The following PCDHGA1 variants were observed in gnomAD, a reference collection of about 807,000 sequenced individuals.
The protein encoded by PCDHGA1 is protocadherin gamma subfamily A, 1.
A neutral mutation model predicts 58.0 loss-of-function variants in PCDHGA1; 32 were observed. That is an observed-to-expected ratio of 0.55 (90% CI 0.42 to 0.74). The LOEUF (loss-of-function observed/expected upper bound fraction) is 0.74, where lower values mean the gene tolerates loss of function less well. PCDHGA1 is among the 30% of genes least tolerant of loss of function. PCDHGA1 has a pLI of 0.00. For synonymous variants in PCDHGA1, 498 were observed against 501.1 expected (o/e 0.99, Z 0.08); for missense variants, 1,205 against 1,182.3 (o/e 1.02, Z -0.28).
intron 1 of PCDHGA1, chr5:141,370,440 A>G (rs1390213172): frequency 6.2e-7 from 1 of 1,605,404 alleles, no homozygotes; most frequent in Non-Finnish European, 8.5e-7. Flanking sequence ...GCAGAGGCGA[A>G]TGCTATTTCT....
rs778684539 is a variant in PCDHGA1 at position 141,477,205 on chromosome 5, G to A, written c.2422-17602G>A. ...CCTCCGTGTACAGCCCAGTACCCGA[G>A]GATGCCCCTCTGGGGACTGTCATCG... On this transcript the variant is annotated intron_variant, in intron 1 of 3. Transcript: ENST00000517417. The surrounding 1 kb of genome is among the most constrained non-coding windows in gnomAD (Gnocchi z 4.9). 1 of 1,614,184 alleles carries A rather than the reference G, an allele frequency of 6.2e-7. No homozygotes were observed. The highest frequency in any genetic ancestry group is 8.5e-7 in the Non-Finnish European group (1 of 1,180,042).
intron 1 of PCDHGA1, among the ~76,000 whole-genome samples, chr5:141,482,530 C>CAAAAAAAAAAAAA (rs3074545): frequency 3.9e-5 from 3 of 76,560 alleles, no homozygotes; most frequent in African/African-American, 9.6e-5. Context: ...GACAGACATG[C>CAAAAAAAAAAAAA]AAAAAAAAAA....
chr5:141,423,226 G>A lies in PCDHGA1; in HGVS notation c.2422-71581G>A, dbSNP rs775936938. On this transcript the variant is annotated intron_variant, in intron 1 of 3. Coordinates refer to ENST00000517417, the MANE Select transcript of PCDHGA1 (RefSeq NM_018912.3). The stretch of plus-strand genomic sequence containing the variant: ...CGTCACGCTCACCGTGGCTGTGGCC[G>A]ACAGCATCCCCGAAGTCCTGGCGGA... The A allele has an allele frequency of 2.2e-5, 36 of 1,613,708 alleles. No homozygotes were observed. The highest frequency in any genetic ancestry group is 2.6e-5 in the Non-Finnish European group (31 of 1,180,034).
chr5:141,397,841 C>A (rs996938995), intron 1 of PCDHGA1: 31 of 520,424 alleles, frequency 6.0e-5, no homozygotes, highest in Middle Eastern at 4.9e-4. Context: ...AACTTGAAGC[C>A]GCAGAGGCTG....
At chr5:141,355,018 A>T in intron 1 of PCDHGA1, 1 of 878,880 alleles carries the variant, frequency 1.1e-6, no homozygotes, top group Non-Finnish European at 1.6e-6. Flanking sequence ...CAGAAATTTA[A>T]TCAGAATCAC....
chr5:141,428,426 C>T (rs1040765233), intron 1 of PCDHGA1: 1 of 435,172 alleles, frequency 2.3e-6, no homozygotes, highest in African/African-American at 2.0e-5. Context: ...GGTCTCTGTT[C>T]TAAGACTAGA....
chr5:141,422,677 C>G, intron 1 of PCDHGA1: 1 of 1,606,186 alleles, frequency 6.2e-7, no homozygotes, highest in Non-Finnish European at 8.5e-7. Context: ...GGACAGCAAA[C>G]AGAATGCCCT....
At chr5:141,345,100 T>C (rs1380525895) in intron 1 of PCDHGA1, 2 of 1,613,850 alleles carry the variant, frequency 1.2e-6, no homozygotes, top group African/African-American at 2.7e-5. Context: ...ACAAGCTCAG[T>C]CCCAGAAGAG....
intron 1 of PCDHGA1, chr5:141,361,589 G>A (rs768038039): frequency 1.2e-6 from 2 of 1,614,024 alleles, no homozygotes; most frequent in Non-Finnish European, 1.7e-6. Flanking sequence ...GGCCCCAGTG[G>A]CCAAGTTTCC....
intron 1 of PCDHGA1, among the ~76,000 whole-genome samples, chr5:141,461,148 A>G (rs1293565790): frequency 1.3e-5 from 2 of 152,090 alleles, no homozygotes; most frequent in Non-Finnish European, 2.9e-5. Context: ...CTTTGGGTAG[A>G]TACCCAATAG....
At chr5:141,356,726 C>G (rs1209862693) in intron 1 of PCDHGA1, 5 of 1,614,024 alleles carry the variant, frequency 3.1e-6, no homozygotes, top group Admixed American at 1.7e-5. Flanking sequence ...TCCATCAACT[C>G]CAATACAGGG....
In PCDHGA1 at chr5:141,345,728, C is replaced by T. The variant is rs755670314; in HGVS notation, c.2421+12623C>T. 146 of 1,614,098 alleles carry T rather than the reference C, an allele frequency of 9.0e-5. 1 individual carries two copies. In the South Asian group the frequency reaches 1.1e-3, roughly 12 times the overall value. ...ACAACGCGCCCGAGATCCTGTACCCCGCCCTCCCCACAGACGGTTCCACTG... is the reference window on the plus strand; with the variant it reads ...ACAACGCGCCCGAGATCCTGTACCCTGCCCTCCCCACAGACGGTTCCACTG... On this transcript the variant is annotated intron_variant, in intron 1 of 3. Coordinates refer to ENST00000517417, the MANE Select transcript of PCDHGA1 (RefSeq NM_018912.3).
rs374131113 is a variant in PCDHGA1 at position 141,366,708 on chromosome 5, T to C, written c.2421+33603T>C. ...TGTGAGAAAAGCGAGCCTCTTCTGATGTCTGATAAGGTAGATGCAAACAAA... is the reference window on the plus strand; with the variant it reads ...TGTGAGAAAAGCGAGCCTCTTCTGACGTCTGATAAGGTAGATGCAAACAAA... On this transcript the variant is annotated intron_variant, in intron 1 of 3. Coordinates refer to ENST00000517417, the MANE Select transcript of PCDHGA1 (RefSeq NM_018912.3). 3.3e-5 allele frequency: 54 copies of C among 1,614,238 alleles called. No homozygotes were observed. In the African/African-American group the frequency reaches 5.9e-4, roughly 18 times the overall value.
In PCDHGA1 at chr5:141,404,391, A is replaced by T. The variant is rs773558298; in HGVS notation, c.2421+71286A>T. On this transcript the variant is annotated intron_variant, in intron 1 of 3. Transcript: ENST00000517417. ...TTCTCCGTGATTGCCTATGACCCTG[A>T]TAGCAATGAGAATTCTAGAGTTATT... 3.7e-6 allele frequency: 6 copies of T among 1,613,806 alleles called. No homozygotes were observed. Among genetic ancestry groups the T allele is most frequent in the Non-Finnish European group, 5.1e-6 (6 of 1,179,894 alleles).
At position 141,413,407 on chromosome 5, in the gene PCDHGA1, C is replaced by G. The variant is rs372466798; in HGVS notation, c.2421+80302C>G. The G allele has an allele frequency of 3.3e-5, 53 of 1,613,926 alleles. No homozygotes were observed. Among genetic ancestry groups the G allele is most frequent in the Middle Eastern group, 1.6e-4 (1 of 6,082 alleles). ...CATAGTCTCCAGAGGTAGGACGCAG[C>G]TTTTCTCTCTGAACCCGCGCAGCGG... On this transcript the variant is annotated intron_variant, in intron 1 of 3. Transcript: ENST00000517417.
At chr5:141,371,614 A>T in intron 1 of PCDHGA1, 2 of 1,614,024 alleles carry the variant, frequency 1.2e-6, no homozygotes, top group Non-Finnish European at 1.7e-6. Context: ...TTGGTGACAG[A>T]TGGAGCCCTG....
At chr5:141,470,838 C>T (rs142581300) in intron 1 of PCDHGA1, among the ~76,000 whole-genome samples, 5 of 152,222 alleles carry the variant, frequency 3.3e-5, no homozygotes, top group African/African-American at 7.2e-5. Flanking sequence ...CAAACACACG[C>T]CACCATGCTC....
chr5:141,409,669 C>A, intron 1 of PCDHGA1: 1 of 1,613,528 alleles, frequency 6.2e-7, no homozygotes, highest in Non-Finnish European at 8.5e-7. Context: ...ACATCTCCTA[C>A]TCTATAGTGG....
chr5:141,394,171 C>T (rs115102808), intron 1 of PCDHGA1: 17,700 of 1,613,924 alleles, frequency 0.011, 141 homozygotes, highest in Non-Finnish European at 0.013. Flanking sequence ...CCTACTTTCC[C>T]TCATGCCTCC....
Sources: allele counts gnomAD v4.1 joint callset (sites outside exome capture counted in the v4.1 genomes callset), GRCh38; gene constraint gnomAD v4.1.1; non-coding constraint Gnocchi (gnomAD v3.1); transcripts MANE v1.5; gene names NCBI Gene and HGNC (gene_info 2026-07-23, HGNC 2026-07-21).